The following PTPRG variants were observed in gnomAD, a reference collection of about 807,000 sequenced individuals.
PTPRG encodes the protein protein tyrosine phosphatase receptor type G, also known as receptor-type tyrosine-protein phosphatase gamma.
In PTPRG, 102 loss-of-function variants were observed where a neutral mutation model predicts 165.3. The ratio of observed to expected loss-of-function variants is 0.62; its 90% CI spans 0.53 to 0.73. PTPRG has a LOEUF of 0.73. Among genes scored for constraint, PTPRG ranks in the 30% least tolerant of loss-of-function variants. PTPRG has a pLI of 0.00. For synonymous variants in PTPRG, 675 were observed against 669.5 expected, an observed-to-expected ratio of 1.01 and a Z score of -0.13; for missense variants, 1,866 against 1,861.4, an observed-to-expected ratio of 1.00 and a Z score of -0.05.
intron 1 of PTPRG, among the ~76,000 whole-genome samples, chr3:61,617,070 C>T (rs1489843856): frequency 6.6e-6 from 1 of 152,118 alleles, no homozygotes; most frequent in African/African-American, 2.4e-5. Context: ...GCATCCCTGC[C>T]CTTGGTATTT....
At chr3:62,207,831 A>G (rs1424428836) in intron 12 of PTPRG, among the ~76,000 whole-genome samples, 1 of 152,138 alleles carries the variant, frequency 6.6e-6, no homozygotes, top group African/African-American at 2.4e-5. Context: ...AGTTAATACT[A>G]ATGAGAAACA....
intron 5 of PTPRG, among the ~76,000 whole-genome samples, chr3:62,107,135 T>C (rs1702500128): frequency 6.6e-6 from 1 of 152,238 alleles, no homozygotes; most frequent in African/African-American, 2.4e-5. Flanking sequence ...ATATGGTTGG[T>C]TATATCTCAC....
At chr3:61,868,700 G>T (rs2037478137) in intron 2 of PTPRG, among the ~76,000 whole-genome samples, 1 of 152,178 alleles carries the variant, frequency 6.6e-6, no homozygotes, top group Admixed American at 6.5e-5. Context: ...TTTTGTTTGA[G>T]TCAGCACAAA....
At chr3:62,243,727 C>G in intron 14 of PTPRG, 80 bp from the exon 15 acceptor site, 1 of 880,866 alleles carries the variant, frequency 1.1e-6, no homozygotes, top group Non-Finnish European at 1.8e-6. Context: ...CTGGGAAGAT[C>G]TATAAAATAA....
intron 2 of PTPRG, among the ~76,000 whole-genome samples, chr3:61,914,316 G>C (rs898646085): frequency 6.6e-6 from 1 of 152,146 alleles, no homozygotes. Flanking sequence ...TTGGAGCTGG[G>C]TCTTCTACTT....
At chr3:61,717,179 T>C (rs904815202) in intron 1 of PTPRG, among the ~76,000 whole-genome samples, 2 of 152,222 alleles carry the variant, frequency 1.3e-5, no homozygotes, top group Non-Finnish European at 2.9e-5. Flanking sequence ...AGGCCATTTT[T>C]TTCTGCCTTG....
At chr3:61,894,301 C>CCAAAAAAAAAAAAAAAAAA in intron 2 of PTPRG, among the ~76,000 whole-genome samples, 1 of 49,838 alleles carries the variant, frequency 2.0e-5, no homozygotes, top group Non-Finnish European at 3.6e-5. Flanking sequence ...GACTCTGTGT[C>CCAAAAAAAAAAAAAAAAAA]AAAAAAAAAA....
At chr3:61,891,742 C>A (rs1400669869) in intron 2 of PTPRG, among the ~76,000 whole-genome samples, 1 of 152,184 alleles carries the variant, frequency 6.6e-6, no homozygotes, top group Non-Finnish European at 1.5e-5. Context: ...CCATTATACA[C>A]AAAGTACTTC....
At chr3:62,080,542 G>A (rs1374158913) in intron 5 of PTPRG, among the ~76,000 whole-genome samples, 5 of 152,194 alleles carry the variant, frequency 3.3e-5, no homozygotes, top group South Asian at 2.1e-4. Context: ...TGGCCCTGCC[G>A]TCAGATGCAC....
At chr3:62,105,822 A>C (rs1702455242) in intron 5 of PTPRG, among the ~76,000 whole-genome samples, 1 of 152,174 alleles carries the variant, frequency 6.6e-6, no homozygotes, top group African/African-American at 2.4e-5. Flanking sequence ...TCATATGTCA[A>C]CGTAGATCTC....
intron 4 of PTPRG, among the ~76,000 whole-genome samples, chr3:62,043,201 A>G (rs574242577): frequency 5.7e-4 from 87 of 152,320 alleles, no homozygotes; most frequent in African/African-American, 2.0e-3. Context: ...GAAGCCCAAT[A>G]TGTTTTTCCA....
At position 62,201,516 on chromosome 3, in the gene PTPRG, C is replaced by A; in HGVS notation, c.1339C>A (p.Arg447=). 6.2e-7 allele frequency: 1 copy of A among 1,609,690 alleles called. No homozygotes were observed. Among genetic ancestry groups the A allele is most frequent in the Non-Finnish European group, 8.5e-7 (1 of 1,177,470 alleles). The change falls in exon 11 of 30, where the codon CGA becomes AGA. Residue 447 remains arginine (R), a synonymous_variant. Coordinates refer to ENST00000474889, the MANE Select transcript of PTPRG (RefSeq NM_002841.4). ...QTMLFQANTT[R]IFQGTRIVKT... is the part of the protein sequence containing the mutation. ...TCTTTGTTTCTCAGCTAATACCACT[C>A]GAATATTCCAAGGGACCAGAATAGT...
intron 1 of PTPRG, among the ~76,000 whole-genome samples, chr3:61,649,928 G>T (rs1231798582): frequency 6.6e-6 from 1 of 152,134 alleles, no homozygotes; most frequent in African/African-American, 2.4e-5. Context: ...ATCTGCTGGT[G>T]GAAAGCAGAC....
intron 1 of PTPRG, among the ~76,000 whole-genome samples, chr3:61,722,862 T>C (rs1280640487): frequency 6.6e-6 from 1 of 152,222 alleles, no homozygotes; most frequent in African/African-American, 2.4e-5. Context: ...TTTCTGTTCT[T>C]AAGAACTTTA....
intron 5 of PTPRG, among the ~76,000 whole-genome samples, chr3:62,117,806 T>C (rs528619127): frequency 6.6e-6 from 1 of 152,362 alleles, no homozygotes; most frequent in South Asian, 2.1e-4. Context: ...TTTGTTTGTC[T>C]AATAGATATA....
At chr3:61,814,047 T>G (rs2035680091) in intron 2 of PTPRG, among the ~76,000 whole-genome samples, 1 of 152,034 alleles carries the variant, frequency 6.6e-6, no homozygotes, top group African/African-American at 2.4e-5. Context: ...ACCACAGGCA[T>G]GTGCCACAAG....
rs188545955 is a variant in PTPRG at position 62,233,214 on chromosome 3, T to C, written c.2375+1903T>C. Among the ~76,000 whole-genome samples, 14 of 152,240 alleles carry C rather than the reference T, an allele frequency of 9.2e-5. No individual in the cohort carries two copies. Among genetic ancestry groups the C allele is most frequent in the Non-Finnish European group, 1.6e-4 (11 of 68,016 alleles). ...AGCAGTACCCCCTCTCACAGCTACA[T>C]GTGCTATGCTAAGTACTCCATGAAA... On this transcript the variant is annotated intron_variant, in intron 14 of 29. Coordinates refer to ENST00000474889, the MANE Select transcript of PTPRG (RefSeq NM_002841.4). The surrounding 1 kb of genome is among the most constrained non-coding windows in gnomAD (Gnocchi z 4.7).
chr3:62,254,393 G>T lies in PTPRG; in HGVS notation c.2468-731G>T, dbSNP rs1023922561. ...AGTACTCAAGTATCATGATAAATAA[G>T]CTTAAAACATACTTTGGGCTTATGA... On this transcript the variant is annotated intron_variant, in intron 15 of 29. Coordinates refer to ENST00000474889, the MANE Select transcript of PTPRG (RefSeq NM_002841.4). The surrounding 1 kb of genome is among the most constrained non-coding windows in gnomAD (Gnocchi z 4.6). Among the ~76,000 whole-genome samples the T allele has an allele frequency of 1.3e-5, 2 of 152,130 alleles. No homozygotes were observed. The highest frequency in any genetic ancestry group is 6.6e-5 in the Admixed American group (1 of 15,254).
chr3:61,629,402 C>G (rs1480997039), intron 1 of PTPRG, among the ~76,000 whole-genome samples: 3 of 152,126 alleles, frequency 2.0e-5, no homozygotes, highest in Non-Finnish European at 1.5e-5. Flanking sequence ...GATCCGCCTG[C>G]CTTGGTCTCC....
Sources: gnomAD v4.1 joint callset for allele counts (sites outside exome capture counted in the v4.1 genomes callset) on GRCh38, gnomAD v4.1.1 for gene constraint, Gnocchi (gnomAD v3.1) non-coding constraint, MANE v1.5 for transcripts, NCBI Gene and HGNC (gene_info 2026-07-23, HGNC 2026-07-21) for gene names.